Variants in COL4A5 observed in about 807,000 individuals in gnomAD.
COL4A5 encodes the protein collagen type IV alpha 5 chain.
Under a neutral mutation model 130.2 loss-of-function variants are expected in COL4A5, and 26 were observed. The ratio of observed to expected loss-of-function variants is 0.20; its 90% CI spans 0.15 to 0.28. The LOEUF is 0.28. Ranked by LOEUF, COL4A5 falls within the 10% of genes least tolerant of loss-of-function variation. The pLI, the probability that COL4A5 is intolerant of heterozygous loss-of-function variation, is 1.00. For missense variants in COL4A5, 1,131 were observed against 1,344.3 expected, an observed-to-expected ratio of 0.84 and a Z score of 2.48; for synonymous variants, 496 against 439.6, an observed-to-expected ratio of 1.13 and a Z score of -1.60.
Position 108,697,278 on chromosome X carries a change from C to T in COL4A5, c.*900C>T, listed in dbSNP as rs1377271576. 2 of 110,717 alleles carry T rather than the reference C, an allele frequency of 1.8e-5. No homozygotes were observed. Among genetic ancestry groups the T allele is most frequent in the South Asian group, 3.8e-4 (1 of 2,650 alleles). The allele number at this position is 110,717 out of a possible 1,213,427, so 9.1% of individuals were successfully genotyped here. On this transcript the variant is annotated 3_prime_UTR_variant, in exon 53 of 53. Transcript: ENST00000328300. ...TCCAAACAATTCTGAGAAACAAAAA[C>T]ACACACGCAGAATTAACAATTCTTT... is the stretch of plus-strand genomic sequence containing the variant.
At chrX:108,560,984 C>T (rs919563902) in intron 3 of COL4A5, among the ~76,000 whole-genome samples, 2 of 111,623 alleles carry the variant, frequency 1.8e-5, no homozygotes, top group African/African-American at 6.5e-5. Flanking sequence ...CAATTGCTTC[C>T]ATATGGGACA....
At chrX:108,468,811 A>T (rs1218391532) in intron 1 of COL4A5, among the ~76,000 whole-genome samples, 1 of 109,084 alleles carries the variant, frequency 9.2e-6, no homozygotes, top group Non-Finnish European at 1.9e-5. Context: ...AGGGACTATT[A>T]ATCTATAATT....
intron 1 of COL4A5, among the ~76,000 whole-genome samples, chrX:108,455,924 A>T (rs1035525229): frequency 9.0e-6 from 1 of 111,512 alleles, no homozygotes; most frequent in African/African-American, 3.3e-5. Flanking sequence ...ATTTCTTCTT[A>T]TTCAGGATTG....
In COL4A5 at chrX:108,695,610, A is replaced by T. The variant is rs2068721187; in HGVS notation, c.4994+171A>T. On this transcript the variant is annotated intron_variant, in intron 52 of 52. Transcript: ENST00000328300. ...TACATGACTCAGGTCAGAAAAACAG[A>T]CTTGATTATTAATATTAGGTGAGTT... 5 of 505,380 alleles carry T rather than the reference A, an allele frequency of 9.9e-6. No individual in the cohort carries two copies. The South Asian group carries it at 1.5e-4, about 15-fold the overall frequency. 41.6% of individuals were successfully genotyped at this position (505,380 alleles called of 1,213,427 possible). A position where few individuals can be genotyped will look rare whatever the true frequency, so the allele number is the denominator to read the frequency against.
chrX:108,655,056 G>A (rs1409197402), intron 36 of COL4A5, among the ~76,000 whole-genome samples: 1 of 111,454 alleles, frequency 9.0e-6, no homozygotes, highest in Non-Finnish European at 1.9e-5. Context: ...TAGTCTGATT[G>A]GCTACATAGC....
intron 36 of COL4A5, chrX:108,626,686 T>C: frequency 1.1e-6 from 1 of 951,889 alleles, no homozygotes; most frequent in Non-Finnish European, 1.3e-6. Context: ...CCTAATGTTA[T>C]TATTAACTAA....
rs113656199 is a variant in COL4A5 at position 108,676,451 on chromosome X, G to A, written c.3809-1049G>A. Among the ~76,000 whole-genome samples the A allele has an allele frequency of 7.2e-3, 808 of 111,582 alleles. 4 individuals carry two copies. Among genetic ancestry groups the A allele is most frequent in the East Asian group, 0.036 (128 of 3,545 alleles). On this transcript the variant is annotated intron_variant, in intron 43 of 52. Coordinates refer to ENST00000328300, the MANE Select transcript of COL4A5 (RefSeq NM_033380.3). ...GGCCAATGATAAGATCTCCCTGGTT[G>A]CTTAATGGACCTCATACCTTTATTC... is the stretch of plus-strand genomic sequence containing the variant.
intron 28 of COL4A5, among the ~76,000 whole-genome samples, chrX:108,604,838 T>A (rs766039694): frequency 4.5e-5 from 5 of 112,258 alleles, no homozygotes; most frequent in African/African-American, 1.6e-4. Context: ...AACTTGCTGC[T>A]TCACCTTGCA....
At chrX:108,606,242 T>C (rs1221666742) in intron 28 of COL4A5, among the ~76,000 whole-genome samples, 2 of 111,952 alleles carry the variant, frequency 1.8e-5, no homozygotes, top group Non-Finnish European at 3.8e-5. Flanking sequence ...TTCAAAATTA[T>C]TATGATTTTA....
At chrX:108,556,667 A>G (rs1180929810) in intron 2 of COL4A5, among the ~76,000 whole-genome samples, 2 of 111,330 alleles carry the variant, frequency 1.8e-5, no homozygotes, top group Non-Finnish European at 3.8e-5. Context: ...TAAGGATTAA[A>G]CGAGTGCCTA....
intron 1 of COL4A5, among the ~76,000 whole-genome samples, chrX:108,465,893 T>C (rs1374909914): frequency 1.8e-5 from 2 of 111,241 alleles, no homozygotes; most frequent in Non-Finnish European, 3.8e-5. Flanking sequence ...TGTGACCACT[T>C]CTACCTAGTA....
intron 26 of COL4A5, 41 bp from the exon 27 acceptor site, chrX:108,601,844 C>G (rs1355642675): frequency 1.2e-6 from 1 of 847,837 alleles, no homozygotes; most frequent in Admixed American, 2.6e-5. Flanking sequence ...TGGCTTCTTT[C>G]TTTGAACGTT....
intron 36 of COL4A5, chrX:108,627,272 G>C (rs1230195211): frequency 1.6e-6 from 1 of 608,544 alleles, no homozygotes; most frequent in South Asian, 8.9e-5. Context: ...CATATTAAGG[G>C]TAAGAGTGAA....
intron 1 of COL4A5, among the ~76,000 whole-genome samples, chrX:108,469,169 C>CTTTTTTTTTT (rs529015725): frequency 3.9e-5 from 3 of 77,675 alleles, no homozygotes; most frequent in Non-Finnish European, 7.2e-5. Flanking sequence ...CTCTCTCTCT[C>CTTTTTTTTTT]TTTTTTTTTT....
chrX:108,686,262 T>G, intron 48 of COL4A5, 133 bp downstream of exon 48: 1 of 529,725 alleles, frequency 1.9e-6, no homozygotes, highest in Admixed American at 2.8e-5. Flanking sequence ...AATGTGGACC[T>G]GAGGAAAATA....
intron 1 of COL4A5, among the ~76,000 whole-genome samples, chrX:108,520,290 T>C (rs930508159): frequency 8.9e-6 from 1 of 111,743 alleles, no homozygotes; most frequent in African/African-American, 3.2e-5. Flanking sequence ...TCGAGATTTG[T>C]TTAGACAAGC....
At chrX:108,546,965 C>A (rs1162978595) in intron 2 of COL4A5, among the ~76,000 whole-genome samples, 2 of 112,017 alleles carry the variant, frequency 1.8e-5, no homozygotes, top group African/African-American at 6.5e-5. Context: ...CCCATCAGGT[C>A]CTTTAAGGAC....
chrX:108,527,681 G>A (rs975326806), intron 1 of COL4A5, among the ~76,000 whole-genome samples: 1 of 111,209 alleles, frequency 9.0e-6, no homozygotes, highest in African/African-American at 3.3e-5. Flanking sequence ...CTCACCATTG[G>A]GGTCCTGAGC....
chrX:108,476,473 T>C (rs756474684), intron 1 of COL4A5, among the ~76,000 whole-genome samples: 22 of 108,211 alleles, frequency 2.0e-4, no homozygotes, highest in African/African-American at 6.4e-4. Flanking sequence ...TTATTGACTA[T>C]AGTCATCCTG....
Sources: gnomAD v4.1 joint callset for allele counts (sites outside exome capture counted in the v4.1 genomes callset) on GRCh38, gnomAD v4.1.1 for gene constraint, MANE v1.5 for transcripts, NCBI Gene and HGNC (gene_info 2026-07-23, HGNC 2026-07-21) for gene names.